The following CRPPA variants were observed in gnomAD, a reference collection of about 807,000 sequenced individuals.
CRPPA encodes the protein CDP-L-ribitol pyrophosphorylase A.
CRPPA carries 43 observed loss-of-function variants against 52.0 expected under a neutral mutation model. That is an observed-to-expected ratio of 0.83 (90% CI 0.65 to 1.07). The LOEUF (loss-of-function observed/expected upper bound fraction) is 1.07, where lower values mean the gene tolerates loss of function less well. CRPPA is among the 50% of genes least tolerant of loss of function. CRPPA has a pLI of 0.00. For missense variants in CRPPA, 629 were observed against 551.7 expected, an observed-to-expected ratio of 1.14 and a Z score of -1.40; for synonymous variants, 250 against 203.5, an observed-to-expected ratio of 1.23 and a Z score of -1.94.
intron 5 of CRPPA, among the ~76,000 whole-genome samples, chr7:16,300,853 A>C (rs1784777206): frequency 6.6e-6 from 1 of 152,242 alleles, no homozygotes; most frequent in South Asian, 2.1e-4. Flanking sequence ...TTGCTTATTA[A>C]ATAAACTACC....
chr7:16,261,237 T>TC (rs1483243232), intron 6 of CRPPA, among the ~76,000 whole-genome samples: 2 of 152,104 alleles, frequency 1.3e-5, no homozygotes, highest in African/African-American at 4.8e-5. Flanking sequence ...TTTAGATAAT[T>TC]CATTTCCAGG....
chr7:16,310,579 A>T (rs1041999179), intron 3 of CRPPA, among the ~76,000 whole-genome samples: 2 of 152,186 alleles, frequency 1.3e-5, no homozygotes, highest in Non-Finnish European at 2.9e-5. Flanking sequence ...ACGGGGTAAT[A>T]TTTAAAAAGG....
intron 3 of CRPPA, among the ~76,000 whole-genome samples, chr7:16,318,816 A>C (rs2128426883): frequency 6.6e-6 from 1 of 152,338 alleles, no homozygotes; most frequent in South Asian, 2.1e-4. Flanking sequence ...ATCAAGGAGA[A>C]GGGAAACAAA....
At chr7:16,255,957 C>A (rs559299338) in intron 8 of CRPPA, among the ~76,000 whole-genome samples, 11 of 152,306 alleles carry the variant, frequency 7.2e-5, no homozygotes, top group African/African-American at 2.6e-4. Context: ...TCTAATTAAA[C>A]TGAAGTGCTT....
chr7:16,397,350 A>G (rs572273795), intron 2 of CRPPA, among the ~76,000 whole-genome samples: 10 of 152,376 alleles, frequency 6.6e-5, no homozygotes, highest in Non-Finnish European at 1.3e-4. Flanking sequence ...AACATGTGTT[A>G]CAGGTGACTG....
intron 5 of CRPPA, among the ~76,000 whole-genome samples, chr7:16,291,017 T>G (rs776105758): frequency 1.3e-5 from 2 of 151,942 alleles, no homozygotes; most frequent in Non-Finnish European, 2.9e-5. Flanking sequence ...CCAACAGGTA[T>G]ATTAAAACAA....
intron 9 of CRPPA, among the ~76,000 whole-genome samples, chr7:16,190,294 T>C (rs1327358119): frequency 6.6e-6 from 1 of 152,190 alleles, no homozygotes; most frequent in Non-Finnish European, 1.5e-5. Flanking sequence ...TGCTAACTTT[T>C]AATAGAAGAC....
intron 2 of CRPPA, among the ~76,000 whole-genome samples, chr7:16,390,362 T>A (rs985264898): frequency 6.6e-6 from 1 of 152,118 alleles, no homozygotes; most frequent in Admixed American, 6.5e-5. Context: ...TAAGAGCACA[T>A]CTCCAATTTC....
At chr7:16,229,340 G>T (rs1158352576) in intron 8 of CRPPA, among the ~76,000 whole-genome samples, 1 of 151,888 alleles carries the variant, frequency 6.6e-6, no homozygotes, top group African/African-American at 2.4e-5. Flanking sequence ...TAGTTGTTTT[G>T]CCAATTTTTG....
rs565291134 is a variant in CRPPA at position 16,174,926 on chromosome 7, C to A, written c.1251+41140G>T. ...GAGAAGGGGTTAAACCACTAACCTG[C>A]AGATATTTCCACACATTATTTTCAC... On this transcript the variant is annotated intron_variant, in intron 9 of 9. Transcript: ENST00000407010. Among the ~76,000 whole-genome samples the A allele has an allele frequency of 7.2e-5, 11 of 152,282 alleles. No homozygotes were observed. The South Asian group carries it at 2.3e-3, about 32-fold the overall frequency.
chr7:16,120,600 C>A (rs1174968551), intron 9 of CRPPA, among the ~76,000 whole-genome samples: 1 of 152,022 alleles, frequency 6.6e-6, no homozygotes, highest in Admixed American at 6.6e-5. Flanking sequence ...TATTTCCACC[C>A]ACTGGCTCCT....
Position 16,090,549 on chromosome 7 carries a change from C to CAAAAAAAAAAAAAAAAAAAA in CRPPA, c.*1126_*1145dup, listed in dbSNP as rs56034283. 1.2e-5 allele frequency: 1 copy of CAAAAAAAAAAAAAAAAAAAA among 82,218 alleles called. No individual in the cohort carries two copies. Among genetic ancestry groups the CAAAAAAAAAAAAAAAAAAAA allele is most frequent in the African/African-American group, 5.4e-5 (1 of 18,412 alleles). The allele number at this position is 82,218 out of a possible 1,614,324, so 5.1% of individuals were successfully genotyped here. ...CGAAAACCCTTCTCTACTAAAAATA[C>CAAAAAAAAAAAAAAAAAAAA]AAAAAAAAAAAAAAAAAAAAAAAAT... On this transcript the variant is annotated 3_prime_UTR_variant, in exon 10 of 10. Transcript: ENST00000407010.
intron 9 of CRPPA, among the ~76,000 whole-genome samples, chr7:16,104,975 T>C (rs1197951797): frequency 6.6e-6 from 1 of 151,768 alleles, no homozygotes; most frequent in African/African-American, 2.4e-5. Context: ...AACTGTATTA[T>C]ATACATAGAA....
intron 2 of CRPPA, among the ~76,000 whole-genome samples, chr7:16,380,096 T>G (rs1214819138): frequency 6.6e-6 from 1 of 150,876 alleles, no homozygotes; most frequent in Non-Finnish European, 1.5e-5. Flanking sequence ...TTCCAGTTTT[T>G]GCCCATTCAG....
intron 9 of CRPPA, among the ~76,000 whole-genome samples, chr7:16,160,029 C>T (rs1317281115): frequency 6.6e-6 from 1 of 150,836 alleles, no homozygotes; most frequent in African/African-American, 2.4e-5. Flanking sequence ...GTTTTTTTTT[C>T]TTGTAAATTT....
At chr7:16,361,020 A>T (rs1457538126) in intron 3 of CRPPA, among the ~76,000 whole-genome samples, 2 of 152,174 alleles carry the variant, frequency 1.3e-5, no homozygotes, top group African/African-American at 2.4e-5. Flanking sequence ...CTCGACAAAA[A>T]ATAACCACCC....
At chr7:16,192,505 A>G (rs866740612) in intron 9 of CRPPA, among the ~76,000 whole-genome samples, 5 of 152,148 alleles carry the variant, frequency 3.3e-5, no homozygotes, top group African/African-American at 1.2e-4. Flanking sequence ...ATACAACTGT[A>G]TATCTGCCAT....
At chr7:16,224,630 A>G (rs895821806) in intron 8 of CRPPA, among the ~76,000 whole-genome samples, 2 of 152,180 alleles carry the variant, frequency 1.3e-5, no homozygotes, top group South Asian at 2.1e-4. Context: ...CTGCAAAATT[A>G]TCAACATGTA....
chr7:16,361,957 C>A (rs1439141218), intron 3 of CRPPA, among the ~76,000 whole-genome samples: 1 of 152,162 alleles, frequency 6.6e-6, no homozygotes. Flanking sequence ...CGGGTTCACG[C>A]CATTCTCCTG....
Sources: allele counts gnomAD v4.1 joint callset (sites outside exome capture counted in the v4.1 genomes callset), GRCh38; gene constraint gnomAD v4.1.1; transcripts MANE v1.5; gene names NCBI Gene and HGNC (gene_info 2026-07-23, HGNC 2026-07-21).